The following CYP4F22 variants were observed in gnomAD, a reference collection of about 807,000 sequenced individuals.
CYP4F22 encodes ultra-long-chain fatty acid omega-hydroxylase.
In CYP4F22, 37 loss-of-function variants were observed where a neutral mutation model predicts 60.4. The ratio of observed to expected loss-of-function variants is 0.61; its 90% CI spans 0.47 to 0.81. The LOEUF (loss-of-function observed/expected upper bound fraction) is 0.81, where lower values mean the gene tolerates loss of function less well. CYP4F22 is among the 30% of genes least tolerant of loss of function. The pLI, the probability that CYP4F22 is intolerant of heterozygous loss-of-function variation, is 0.00. For synonymous variants in CYP4F22, 258 were observed against 280.5 expected, an observed-to-expected ratio of 0.92 and a Z score of 0.80; for missense variants, 655 against 715.0, an observed-to-expected ratio of 0.92 and a Z score of 0.96.
chr19:15,531,823 G>A (rs1321454935), intron 4 of CYP4F22, among the ~76,000 whole-genome samples: 1 of 152,064 alleles, frequency 6.6e-6, no homozygotes, highest in Non-Finnish European at 1.5e-5. Flanking sequence ...GTGGATAAGA[G>A]GCCACGTGCA....
chr19:15,528,933 T>A (rs974618174), intron 3 of CYP4F22, among the ~76,000 whole-genome samples: 1 of 152,052 alleles, frequency 6.6e-6, no homozygotes, highest in Non-Finnish European at 1.5e-5. Flanking sequence ...ATTGTGTTTA[T>A]CATTACTATT....
Position 15,515,186 on chromosome 19 carries a change from C to T in CYP4F22, c.-109+6603C>T, listed in dbSNP as rs544950408. 1.2e-4 allele frequency among the ~76,000 whole-genome samples: 19 copies of T among 152,346 alleles called. No homozygotes were observed. The South Asian group carries it at 1.9e-3, about 15-fold the overall frequency. On this transcript the variant is annotated intron_variant, in intron 1 of 13. Coordinates refer to ENST00000269703, the MANE Select transcript of CYP4F22 (RefSeq NM_173483.4). The stretch of plus-strand genomic sequence containing the variant: ...CAGCACAGTCCAGCCCGGCCACAGC[C>T]ACCTCCCCTGTTGTGTTCCCTGCTG...
At chr19:15,511,809 G>A (rs548682730) in intron 1 of CYP4F22, among the ~76,000 whole-genome samples, 13 of 152,320 alleles carry the variant, frequency 8.5e-5, no homozygotes, top group African/African-American at 2.6e-4. Flanking sequence ...CTTCTTGGGA[G>A]CCCACACACC....
chr19:15,510,945 C>CATATATATATATATATATATATATATAT (rs1183507990), intron 1 of CYP4F22, among the ~76,000 whole-genome samples: 2 of 111,590 alleles, frequency 1.8e-5, no homozygotes, highest in Non-Finnish European at 3.5e-5. Flanking sequence ...ATAGGGATAC[C>CATATATATATATATATATATATATATAT]ATATATATAT....
In CYP4F22 at chr19:15,537,619, A is replaced by G; in HGVS notation, c.506A>G (p.Lys169Arg). The change falls in exon 6 of 14, where the codon AAG (lysine) becomes AGG (arginine). Residue 169 changes from lysine (K) to arginine (R), a missense_variant. Lys to Arg is a conservative substitution (Grantham distance 26, BLOSUM62 2). Transcript: ENST00000269703. The part of the protein sequence containing the change: ...LTPAFHFDIL[K>R]PYMKIFNQSA... ...CCCGCCTTCCACTTTGACATCCTGA[A>G]GCCTTACATGAAGATCTTCAACCAG... is the stretch of plus-strand genomic sequence containing the variant. 1.2e-6 allele frequency: 2 copies of G among 1,614,068 alleles called. No individual in the cohort carries two copies. The highest frequency in any genetic ancestry group is 1.7e-6 in the Non-Finnish European group (2 of 1,180,040).
At chr19:15,520,551 C>T (rs529831398) in intron 1 of CYP4F22, among the ~76,000 whole-genome samples, 2 of 151,470 alleles carry the variant, frequency 1.3e-5, no homozygotes, top group African/African-American at 4.8e-5. Flanking sequence ...GCTTTCCATA[C>T]GGACCACACA....
chr19:15,536,207 C>T (rs534623128), intron 4 of CYP4F22, among the ~76,000 whole-genome samples: 4 of 152,188 alleles, frequency 2.6e-5, no homozygotes, highest in East Asian at 1.9e-4. Flanking sequence ...GGCATGGTGG[C>T]GTATGCCTGT....
At chr19:15,516,577 T>C (rs1055195065) in intron 1 of CYP4F22, 6 of 264,742 alleles carry the variant, frequency 2.3e-5, no homozygotes, top group Non-Finnish European at 3.7e-5. Flanking sequence ...TGAGAAAACT[T>C]ATTATCTGAA....
chr19:15,527,190 G>A (rs987458594), intron 3 of CYP4F22, among the ~76,000 whole-genome samples: 2 of 151,878 alleles, frequency 1.3e-5, no homozygotes, highest in South Asian at 4.2e-4. Flanking sequence ...TCATCCCTTC[G>A]GTCCGTCTCC....
chr19:15,528,108 G>A (rs917501790), intron 3 of CYP4F22, among the ~76,000 whole-genome samples: 6 of 152,018 alleles, frequency 3.9e-5, no homozygotes, highest in Admixed American at 3.3e-4. Context: ...ACGTCCAGCT[G>A]CCAGCTCCTG....
intron 10 of CYP4F22, among the ~76,000 whole-genome samples, chr19:15,545,104 TA>T (rs71333385): frequency 9.2e-4 from 128 of 139,090 alleles, no homozygotes; most frequent in African/African-American, 2.9e-3. Context: ...ATAAATAAAA[TA>T]AAAAAAAAAA....
At chr19:15,519,157 C>T (rs1568354370) in intron 1 of CYP4F22, among the ~76,000 whole-genome samples, 2 of 152,040 alleles carry the variant, frequency 1.3e-5, no homozygotes, top group Non-Finnish European at 2.9e-5. Context: ...GGGTGAGATC[C>T]TCAGGATGTG....
rs778614738 is a variant in CYP4F22 at position 15,525,504 on chromosome 19, G to A, written c.168G>A (p.Leu56=). 9 of 1,613,116 alleles carry A rather than the reference G, an allele frequency of 5.6e-6. No homozygotes were observed. The South Asian group carries it at 7.7e-5, about 14-fold the overall frequency. ...GCTTCTACATCACCTGCCGCCGGCT[G>A]CGCTGCTTCCCCCAGCCTCCCCGGC... ...CRSFYITCRR[L]RCFPQPPRRN... Residue 56 remains leucine, a synonymous_variant, in exon 3 of 14, where the codon CTG becomes CTA. Transcript: ENST00000269703.
In CYP4F22 at chr19:15,537,566, G is replaced by A. The variant is rs749840377; in HGVS notation, c.453G>A (p.Lys151=). The A allele has an allele frequency of 3.1e-6, 5 of 1,614,196 alleles. No homozygotes were observed. In the South Asian group the frequency reaches 4.4e-5, roughly 14 times the overall value. ...GDGLLLSKGD[K]WSRHRRLLTP... ...GGCTGCTGCTCAGCAAAGGTGACAAGTGGAGCCGGCACCGTCGCCTGCTGA... is the reference window on the plus strand; with the variant it reads ...GGCTGCTGCTCAGCAAAGGTGACAAATGGAGCCGGCACCGTCGCCTGCTGA... Residue 151 remains lysine (K), a synonymous_variant, in exon 6 of 14, where the codon AAG becomes AAA. Coordinates refer to ENST00000269703, the MANE Select transcript of CYP4F22 (RefSeq NM_173483.4).
intron 8 of CYP4F22, among the ~76,000 whole-genome samples, chr19:15,542,220 TTTAAAAA>T (rs758543015): frequency 7.9e-5 from 12 of 152,094 alleles, no homozygotes; most frequent in Non-Finnish European, 1.6e-4. Flanking sequence ...TTTCTTGTTT[TTTAAAAA>T]TGTAATTTAA....
intron 2 of CYP4F22, among the ~76,000 whole-genome samples, chr19:15,524,919 T>C (rs369846748): frequency 9.2e-5 from 14 of 152,128 alleles, no homozygotes; most frequent in Admixed American, 5.2e-4. Context: ...TTTAATCTCA[T>C]TGGGGAAGCC....
intron 11 of CYP4F22, among the ~76,000 whole-genome samples, chr19:15,548,892 C>G (rs1971563080): frequency 6.6e-6 from 1 of 152,086 alleles, no homozygotes. Flanking sequence ...GGAGCAATGT[C>G]AGATCTGCGA....
chr19:15,537,978 A>G lies in CYP4F22; in HGVS notation c.656A>G (p.Asn219Ser). The change falls in exon 7 of 14, where the codon AAC becomes AGC. Residue 219 changes from asparagine to serine, a missense_variant. This residue lies in a region of CYP4F22 where 430 missense variants were observed against 457.1 expected (regional missense o/e 0.94). Transcript: ENST00000269703. The part of the protein sequence containing the change: ...DSLQKCVFSY[N>S]SNCQEKMSDY... Reference sequence around the variant, plus strand: ...CTTCAGAAATGTGTCTTCAGCTACAACAGCAACTGCCAAGAGTGAGTGTGA... The same window carrying G: ...CTTCAGAAATGTGTCTTCAGCTACAGCAGCAACTGCCAAGAGTGAGTGTGA... The G allele has an allele frequency of 6.2e-7, 1 of 1,614,102 alleles. No individual in the cohort carries two copies. The highest frequency in any genetic ancestry group is 8.5e-7 in the Non-Finnish European group (1 of 1,180,012).
At chr19:15,509,904 C>CCTTTCTTTCCTTCTTT (rs1555725972) in intron 1 of CYP4F22, among the ~76,000 whole-genome samples, 6 of 86,696 alleles carry the variant, frequency 6.9e-5, no homozygotes, top group Non-Finnish European at 1.5e-4. Flanking sequence ...TTCCTTCCTT[C>CCTTTCTTTCCTTCTTT]CTTTCTTTCT....
Sources: allele counts gnomAD v4.1 joint callset (sites outside exome capture counted in the v4.1 genomes callset), GRCh38; gene constraint gnomAD v4.1.1; regional missense constraint gnomAD v4.1.1; transcripts MANE v1.5; gene names NCBI Gene and HGNC (gene_info 2026-07-23, HGNC 2026-07-21).